The following CDK14 variants were observed in gnomAD, a reference collection of about 807,000 sequenced individuals.
The protein encoded by CDK14 is cyclin dependent kinase 14.
In CDK14, 34 loss-of-function variants were observed where a neutral mutation model predicts 60.7. The observed-to-expected ratio is 0.56, with a 90% CI of 0.43 to 0.75. The LOEUF (loss-of-function observed/expected upper bound fraction) is 0.75, where lower values mean the gene tolerates loss of function less well. Ranked by LOEUF, CDK14 falls within the 30% of genes least tolerant of loss-of-function variation. The pLI, the probability that CDK14 is intolerant of heterozygous loss-of-function variation, is 0.00. For missense variants in CDK14, 482 were observed against 564.1 expected (o/e 0.85, Z 1.47); for synonymous variants, 197 against 203.7 (o/e 0.97, Z 0.28).
intron 2 of CDK14, among the ~76,000 whole-genome samples, chr7:90,673,821 A>G (rs1801146574): frequency 6.6e-6 from 1 of 152,208 alleles, no homozygotes; most frequent in Non-Finnish European, 1.5e-5. Context: ...CATTAAGATA[A>G]TGGAGTACTG....
intron 11 of CDK14, among the ~76,000 whole-genome samples, chr7:91,069,545 A>C (rs570877460): frequency 1.2e-3 from 184 of 152,236 alleles, no homozygotes; most frequent in African/African-American, 4.4e-3. Context: ...AAAAAATTTA[A>C]ATTTAAATTT....
chr7:90,900,277 A>T (rs1792462908), intron 7 of CDK14, among the ~76,000 whole-genome samples: 1 of 152,160 alleles, frequency 6.6e-6, no homozygotes. Flanking sequence ...TAAATAATGG[A>T]ATCAATATAG....
At chr7:90,710,841 G>T (rs1043317101) in intron 2 of CDK14, among the ~76,000 whole-genome samples, 8 of 151,944 alleles carry the variant, frequency 5.3e-5, no homozygotes, top group African/African-American at 1.9e-4. Flanking sequence ...TTTGTTAATT[G>T]TCACACAGTT....
chr7:90,852,215 T>A (rs1304041703), intron 5 of CDK14, among the ~76,000 whole-genome samples: 1 of 152,204 alleles, frequency 6.6e-6, no homozygotes, highest in Non-Finnish European at 1.5e-5. Context: ...AATGTTATTA[T>A]TTTTTGTATT....
chr7:90,809,947 A>G (rs1235492842), intron 5 of CDK14, among the ~76,000 whole-genome samples: 3 of 152,226 alleles, frequency 2.0e-5, no homozygotes, highest in East Asian at 1.9e-4. Context: ...GAATAGACCA[A>G]TAACAGGCTC....
intron 2 of CDK14, among the ~76,000 whole-genome samples, chr7:90,634,725 T>C (rs1471765567): frequency 6.6e-6 from 1 of 151,822 alleles, no homozygotes; most frequent in African/African-American, 2.4e-5. Flanking sequence ...TCCACAATGG[T>C]TGAACTAGTT....
At chr7:90,819,487 T>C (rs186233979) in intron 5 of CDK14, among the ~76,000 whole-genome samples, 3,315 of 146,680 alleles carry the variant, frequency 0.023, 54 homozygotes, top group Non-Finnish European at 0.032. Context: ...CCTTTGGAGT[T>C]TTTTTTTTTT....
intron 14 of CDK14, among the ~76,000 whole-genome samples, chr7:91,167,357 C>T (rs1388993073): frequency 1.3e-5 from 2 of 152,334 alleles, no homozygotes; most frequent in East Asian, 3.9e-4. Context: ...TCTGCACTCA[C>T]AGTAGCAAAT....
chr7:90,962,899 G>C (rs1205022400), intron 9 of CDK14, among the ~76,000 whole-genome samples: 1 of 152,118 alleles, frequency 6.6e-6, no homozygotes, highest in Non-Finnish European at 1.5e-5. Context: ...GTTGAGAACA[G>C]TGTTCTTATC....
chr7:91,046,056 T>C, intron 11 of CDK14, 96 bp downstream of exon 11: 2 of 789,088 alleles, frequency 2.5e-6, no homozygotes, highest in South Asian at 3.1e-5. Context: ...CCTTGAAAAA[T>C]TCTGGTTACT....
Position 90,596,653 on chromosome 7 carries a change from C to G in CDK14, c.26C>G (p.Pro9Arg). 6.2e-7 allele frequency: 1 copy of G among 1,612,256 alleles called. No individual in the cohort carries two copies. The highest frequency in any genetic ancestry group is 8.5e-7 in the Non-Finnish European group (1 of 1,179,480). MCDLIEPQ[P>R]AEKIGKMKKL... ...ATGTGTGACCTCATTGAGCCGCAGCCGGCCGAGAAGATCGGCAAGATGAAG... is the reference window on the plus strand; with the variant it reads ...ATGTGTGACCTCATTGAGCCGCAGCGGGCCGAGAAGATCGGCAAGATGAAG... The change falls in exon 1 of 15, where the codon CCG becomes CGG. Residue 9 changes from proline (P) to arginine (R), a missense_variant. By Grantham distance (103) the Pro-to-Arg change is moderately radical. Transcript: ENST00000380050.
chr7:90,957,421 T>A (rs1264284749), intron 9 of CDK14, among the ~76,000 whole-genome samples: 1 of 152,184 alleles, frequency 6.6e-6, no homozygotes, highest in Non-Finnish European at 1.5e-5. Context: ...TGTCCCTGTT[T>A]GCAGACGACA....
Position 91,210,563 on chromosome 7 carries a change from T to C in CDK14, c.*3427T>C, listed in dbSNP as rs1803035802. On this transcript the variant is annotated 3_prime_UTR_variant, in exon 15 of 15. Transcript: ENST00000380050. Reference sequence around the variant, plus strand: ...ACTGTTGTTTTCTTGTAACATGATATGGAATAAAGTATAGCAGAATCTCCG... The same window carrying C: ...ACTGTTGTTTTCTTGTAACATGATACGGAATAAAGTATAGCAGAATCTCCG... The C allele has an allele frequency of 6.6e-6, 1 of 152,182 alleles. No individual in the cohort carries two copies. Among genetic ancestry groups the C allele is most frequent in the Non-Finnish European group, 1.5e-5 (1 of 68,030 alleles). 9.4% of individuals were successfully genotyped at this position (152,182 alleles called of 1,614,324 possible). A position where few individuals can be genotyped will look rare whatever the true frequency, so the allele number is the denominator to read the frequency against.
rs188092545 is a variant in CDK14 at position 91,050,573 on chromosome 7, C to T, written c.1105+4613C>T. 2.0e-5 allele frequency among the ~76,000 whole-genome samples: 3 copies of T among 152,238 alleles called. No individual in the cohort carries two copies. The East Asian group carries it at 5.8e-4, about 29-fold the overall frequency. On this transcript the variant is annotated intron_variant, in intron 11 of 14. Coordinates refer to ENST00000380050, the MANE Select transcript of CDK14 (RefSeq NM_001287135.2). Reference sequence around the variant, plus strand: ...TAAGCTCAGCATATTCCCATAGCAACCAGGCAACTACAACAGGTCACAATG... The same window carrying T: ...TAAGCTCAGCATATTCCCATAGCAATCAGGCAACTACAACAGGTCACAATG...
chr7:91,165,987 G>A (rs911408618), intron 14 of CDK14, among the ~76,000 whole-genome samples: 2 of 152,192 alleles, frequency 1.3e-5, no homozygotes, highest in Non-Finnish European at 2.9e-5. Context: ...AATGTAATGT[G>A]AGAGAACAGT....
In CDK14 at chr7:91,112,626, C is replaced by T; in HGVS notation, c.1239C>T (p.Ala413=). Residue 413 remains alanine, a synonymous_variant, in exon 13 of 15, where the codon GCC becomes GCT. Transcript: ENST00000380050. ...AGAACAGACTGTCGGCACAGGCTGCCTTGAGCCACGAGTATTTTAGTGACC... is the reference window on the plus strand; with the variant it reads ...AGAACAGACTGTCGGCACAGGCTGCTTTGAGCCACGAGTATTTTAGTGACC... ...SPKNRLSAQA[A]LSHEYFSDLP... 4 of 1,613,784 alleles carry T rather than the reference C, an allele frequency of 2.5e-6. No homozygotes were observed. The highest frequency in any genetic ancestry group is 3.4e-6 in the Non-Finnish European group (4 of 1,179,866).
intron 14 of CDK14, among the ~76,000 whole-genome samples, chr7:91,128,396 C>T (rs1307066472): frequency 6.6e-6 from 1 of 152,124 alleles, no homozygotes; most frequent in Non-Finnish European, 1.5e-5. Context: ...ATTTAAACAT[C>T]AGTGTGAATC....
intron 14 of CDK14, among the ~76,000 whole-genome samples, chr7:91,151,201 C>A (rs1800818939): frequency 6.6e-6 from 1 of 152,124 alleles, no homozygotes; most frequent in Non-Finnish European, 1.5e-5. Context: ...AGTCTTTAGG[C>A]TGTCTCATAA....
At chr7:91,016,760 C>T (rs528446616) in intron 10 of CDK14, among the ~76,000 whole-genome samples, 31 of 152,262 alleles carry the variant, frequency 2.0e-4, no homozygotes, top group Non-Finnish European at 3.7e-4. Context: ...TTTAAGGTTT[C>T]GGAACCTAGA....
Sources: allele counts gnomAD v4.1 joint callset (sites outside exome capture counted in the v4.1 genomes callset), GRCh38; gene constraint gnomAD v4.1.1; transcripts MANE v1.5; gene names NCBI Gene and HGNC (gene_info 2026-07-23, HGNC 2026-07-21).